ESYT2: variants seen among roughly 807,000 people sequenced by gnomAD.
ESYT2 encodes the protein extended synaptotagmin-2.
A neutral mutation model predicts 107.2 loss-of-function variants in ESYT2; 54 were observed. That is an observed-to-expected ratio of 0.50 (90% CI 0.40 to 0.63). The LOEUF is 0.63. ESYT2 is among the 30% of genes least tolerant of loss of function. ESYT2 has a pLI of 0.00. For missense variants in ESYT2, 1,020 were observed against 1,094.5 expected (o/e 0.93, Z 0.96); for synonymous variants, 491 against 434.1 (o/e 1.13, Z -1.63).
chr7:158,809,136 C>T (rs2129473909), intron 1 of ESYT2, among the ~76,000 whole-genome samples: 1 of 152,160 alleles, frequency 6.6e-6, no homozygotes, highest in South Asian at 2.1e-4. Context: ...TAAGGGGGGG[C>T]TACTGTAGTA....
intron 1 of ESYT2, among the ~76,000 whole-genome samples, chr7:158,828,422 G>A (rs1244795087): frequency 6.6e-6 from 1 of 152,266 alleles, no homozygotes; most frequent in East Asian, 1.9e-4. Context: ...CCCGCGGGCG[G>A]CACCAGGAGG....
intron 1 of ESYT2, among the ~76,000 whole-genome samples, chr7:158,802,227 T>A (rs1180179330): frequency 1.3e-5 from 2 of 152,196 alleles, no homozygotes; most frequent in Non-Finnish European, 2.9e-5. Flanking sequence ...AAGACCAGTA[T>A]TAACAATCAG....
At chr7:158,740,242 G>A (rs899766390) in intron 18 of ESYT2, among the ~76,000 whole-genome samples, 4 of 152,220 alleles carry the variant, frequency 2.6e-5, no homozygotes, top group African/African-American at 9.6e-5. Context: ...TGCTGAGGAC[G>A]CGTGCTCCGC....
intron 7 of ESYT2, among the ~76,000 whole-genome samples, chr7:158,772,073 G>A (rs1189652872): frequency 1.3e-5 from 2 of 151,500 alleles, no homozygotes; most frequent in African/African-American, 4.9e-5. Flanking sequence ...AGTGAGCTGA[G>A]ACTGTAACAC....
At chr7:158,776,892 G>A (rs1428759878) in intron 6 of ESYT2, among the ~76,000 whole-genome samples, 3 of 146,800 alleles carry the variant, frequency 2.0e-5, no homozygotes, top group Admixed American at 6.9e-5. Flanking sequence ...TTGCTCTGTC[G>A]CCCAGGCTGG....
At chr7:158,785,030 T>C (rs950709989) in intron 6 of ESYT2, among the ~76,000 whole-genome samples, 8 of 152,174 alleles carry the variant, frequency 5.3e-5, no homozygotes, top group African/African-American at 1.9e-4. Flanking sequence ...GCCCAACAAC[T>C]ACCAAGTGAG....
chr7:158,763,659 G>A (rs1272839945), intron 9 of ESYT2, among the ~76,000 whole-genome samples: 2 of 152,042 alleles, frequency 1.3e-5, no homozygotes, highest in African/African-American at 4.8e-5. Flanking sequence ...GAGGACGGGA[G>A]GTCACTGAAA....
chr7:158,757,679 C>G (rs578041389), intron 13 of ESYT2, among the ~76,000 whole-genome samples: 3 of 152,332 alleles, frequency 2.0e-5, no homozygotes, highest in African/African-American at 7.2e-5. Flanking sequence ...TGCAAAGATC[C>G]TTTGCTTCTG....
At position 158,777,902 on chromosome 7, in the gene ESYT2, G is replaced by T. The variant is rs117174491; in HGVS notation, c.748-4506C>A. ...GCGAGAATTGCCGAAACATGACACA[G>T]AGCCATGAAGTGAGCACATGCTGTT... is the stretch of plus-strand genomic sequence containing the variant. On this transcript the variant is annotated intron_variant, in intron 6 of 22. Transcript: ENST00000275418. Among the ~76,000 whole-genome samples the T allele has an allele frequency of 2.1e-4, 32 of 152,262 alleles. 1 individual carries two copies. The highest frequency in any genetic ancestry group is 3.4e-3 in the Middle Eastern group (1 of 294).
At chr7:158,808,882 A>G (rs1331729805) in intron 1 of ESYT2, among the ~76,000 whole-genome samples, 1 of 151,808 alleles carries the variant, frequency 6.6e-6, no homozygotes, top group African/African-American at 2.4e-5. Flanking sequence ...GGGCTGAGCC[A>G]CGAGAATTGC....
intron 4 of ESYT2, among the ~76,000 whole-genome samples, chr7:158,789,901 T>C (rs532776891): frequency 1.3e-5 from 2 of 152,320 alleles, no homozygotes; most frequent in East Asian, 3.9e-4. Flanking sequence ...CAGCTAACCA[T>C]GAAACCAGAC....
rs1171278036 is a variant in ESYT2 at position 158,748,171 on chromosome 7, G to C, written c.1644+23C>G. Reference sequence around the variant, plus strand: ...AAGTCAATTATTTGTCAATAAATTGGTTAAAAAATGCAAATAAAATACCTC... The same window carrying C: ...AAGTCAATTATTTGTCAATAAATTGCTTAAAAAATGCAAATAAAATACCTC... On this transcript the variant is annotated intron_variant, in intron 16 of 22. Transcript: ENST00000275418. 3.7e-6 allele frequency: 6 copies of C among 1,606,326 alleles called. No individual in the cohort carries two copies. In the South Asian group the frequency reaches 5.5e-5, roughly 15 times the overall value.
At chr7:158,789,482 G>A (rs187133413) in intron 4 of ESYT2, among the ~76,000 whole-genome samples, 47 of 152,080 alleles carry the variant, frequency 3.1e-4, no homozygotes, top group Admixed American at 1.3e-3. Context: ...TCAGCCTTCC[G>A]AGTAGCTGGG....
rs2129471229 is a variant in ESYT2 at position 158,739,096 on chromosome 7, G to T, written c.2194C>A (p.Leu732Met). The T allele has an allele frequency of 1.9e-6, 3 of 1,614,128 alleles. No individual in the cohort carries two copies. The highest frequency in any genetic ancestry group is 2.5e-6 in the Non-Finnish European group (3 of 1,179,996). The part of the protein sequence containing the change: ...ENGTTLGQSP[L>M]GQIQLTIRHS... ...CGGATGGTCAGCTGGATCTGCCCCA[G>T]TGGAGACTGTCCCAGGGTCGTCCCG... Residue 732 changes from leucine to methionine, a missense_variant, in exon 19 of 23, where the codon CTG becomes ATG. Physicochemically the swap from Leu to Met is conservative, Grantham distance 15. Coordinates refer to ENST00000275418, the MANE Select transcript of ESYT2 (RefSeq NM_001367773.1).
At chr7:158,753,789 T>C (rs1005266733) in intron 13 of ESYT2, among the ~76,000 whole-genome samples, 1 of 151,736 alleles carries the variant, frequency 6.6e-6, no homozygotes, top group Non-Finnish European at 1.5e-5. Flanking sequence ...ACTGCGTCCG[T>C]CTCTAGGTGG....
At chr7:158,798,872 T>C (rs374265871) in intron 2 of ESYT2, among the ~76,000 whole-genome samples, 159 bp downstream of exon 2, 84 of 152,244 alleles carry the variant, frequency 5.5e-4, no homozygotes, top group African/African-American at 1.9e-3. Flanking sequence ...AGAAAAGAAA[T>C]GCATTTGTTG....
intron 13 of ESYT2, among the ~76,000 whole-genome samples, chr7:158,757,003 G>C (rs1837781279): frequency 6.7e-6 from 1 of 150,076 alleles, no homozygotes; most frequent in Admixed American, 6.6e-5. Context: ...CTCACATTGA[G>C]ATGAACCACA....
chr7:158,775,928 G>T (rs1030815470), intron 6 of ESYT2, among the ~76,000 whole-genome samples: 2 of 152,194 alleles, frequency 1.3e-5, no homozygotes, highest in African/African-American at 4.8e-5. Flanking sequence ...AATAAGACTT[G>T]AAAGTTGAAA....
At chr7:158,799,894 C>T (rs1839580419) in intron 1 of ESYT2, among the ~76,000 whole-genome samples, 1 of 152,090 alleles carries the variant, frequency 6.6e-6, no homozygotes, top group Non-Finnish European at 1.5e-5. Flanking sequence ...CTTTGGGAGG[C>T]TGAGGATTAC....
Sources: allele counts gnomAD v4.1 joint callset (sites outside exome capture counted in the v4.1 genomes callset), GRCh38; gene constraint gnomAD v4.1.1; transcripts MANE v1.5; gene names NCBI Gene and HGNC (gene_info 2026-07-23, HGNC 2026-07-21).